Variants in NTM observed in about 807,000 individuals in gnomAD.
The protein encoded by NTM is neurotrimin.
A neutral mutation model predicts 42.1 loss-of-function variants in NTM; 13 were observed. That is an observed-to-expected ratio of 0.31 (90% CI 0.20 to 0.49). NTM has a LOEUF of 0.49. NTM is among the 20% of genes least tolerant of loss of function. NTM has a pLI of 0.99. For missense variants in NTM, 373 were observed against 452.8 expected (o/e 0.82, Z 1.60); for synonymous variants, 187 against 179.2 (o/e 1.04, Z -0.35).
chr11:131,742,077 T>C lies in NTM; in HGVS notation c.83-169487T>C, dbSNP rs146775697. Among the ~76,000 whole-genome samples, 499 of 151,612 alleles carry C rather than the reference T, an allele frequency of 3.3e-3. 3 individuals are homozygous for C. Among genetic ancestry groups the C allele is most frequent in the African/African-American group, 0.012 (479 of 41,348 alleles). On this transcript the variant is annotated intron_variant, in intron 1 of 8. Transcript: ENST00000683400. Reference sequence around the variant, plus strand: ...ACACACACTGGGGCCTATTGGAGGGTGGAGGCTGGGAGGTGGGTGAGGACC... The same window carrying C: ...ACACACACTGGGGCCTATTGGAGGGCGGAGGCTGGGAGGTGGGTGAGGACC...
intron 2 of NTM, among the ~76,000 whole-genome samples, chr11:132,141,260 T>TC: frequency 6.6e-6 from 1 of 151,472 alleles, no homozygotes; most frequent in African/African-American, 2.4e-5. Context: ...TCCCTCTCTC[T>TC]CCCCCCTACC....
intron 1 of NTM, among the ~76,000 whole-genome samples, chr11:131,601,002 C>T (rs1198900397): frequency 1.3e-5 from 2 of 152,168 alleles, no homozygotes; most frequent in Non-Finnish European, 2.9e-5. Flanking sequence ...GATCATATGC[C>T]CAGTACTGCT....
chr11:132,274,980 G>A (rs180953395), intron 4 of NTM, among the ~76,000 whole-genome samples: 7 of 152,016 alleles, frequency 4.6e-5, no homozygotes, highest in Admixed American at 2.0e-4. Context: ...CATATATTTG[G>A]GATACAAGCA....
intron 7 of NTM, chr11:132,315,107 C>CA: frequency 1.0e-6 from 1 of 992,136 alleles, no homozygotes; most frequent in Non-Finnish European, 1.2e-6. Flanking sequence ...GATGATGGCT[C>CA]CTAAGCTGAC....
Position 132,212,085 on chromosome 11 carries a change from T to A in NTM, c.464T>A (p.Leu155His). 1 of 1,613,780 alleles carries A rather than the reference T, an allele frequency of 6.2e-7. No homozygotes were observed. Among genetic ancestry groups the A allele is most frequent in the Non-Finnish European group, 8.5e-7 (1 of 1,179,774 alleles). ...ISINEGNNISLTCIATGRPEP... is the reference protein window; with the variant it reads ...ISINEGNNISHTCIATGRPEP... The stretch of plus-strand genomic sequence containing the variant: ...ATTAATGAAGGGAACAATATTAGCC[T>A]CACCTGCATAGCAACTGGTAGACCA... The change falls in exon 4 of 9, where the codon CTC (leucine) becomes CAC (histidine). Residue 155 changes from leucine to histidine, a missense_variant. By Grantham distance (99) the Leu-to-His change is moderately conservative. This residue lies in a region of NTM where 312 missense variants were observed against 353.5 expected (regional missense o/e 0.88). Transcript: ENST00000683400.
intron 1 of NTM, among the ~76,000 whole-genome samples, chr11:131,855,499 C>T (rs1334748172): frequency 6.6e-6 from 1 of 152,148 alleles, no homozygotes; most frequent in Non-Finnish European, 1.5e-5. Flanking sequence ...AAACAGATAA[C>T]ACACAAAAAA....
At chr11:131,708,568 A>G (rs1466884471) in intron 1 of NTM, among the ~76,000 whole-genome samples, 1 of 152,210 alleles carries the variant, frequency 6.6e-6, no homozygotes, top group Non-Finnish European at 1.5e-5. Flanking sequence ...ATATTTTTGT[A>G]AAAGACTTTA....
intron 2 of NTM, among the ~76,000 whole-genome samples, chr11:132,040,331 C>T (rs11222880): frequency 0.078 from 11,802 of 152,124 alleles, 495 homozygotes; most frequent in South Asian, 0.18. Flanking sequence ...GCAAGAATGG[C>T]CATTAACTAG....
Position 131,735,085 on chromosome 11 carries a change from G to C in NTM, c.83-176479G>C, listed in dbSNP as rs1041807711. Among the ~76,000 whole-genome samples, 4 of 152,190 alleles carry C rather than the reference G, an allele frequency of 2.6e-5. No homozygotes were observed. The South Asian group carries it at 6.2e-4, about 24-fold the overall frequency. On this transcript the variant is annotated intron_variant, in intron 1 of 8. Coordinates refer to ENST00000683400, the MANE Select transcript of NTM (RefSeq NM_001352005.2). ...GCCACTGAGGTCTCCAGAGGTGCTA[G>C]ATTGTATAACAACTTATTTAGCTGA... is the stretch of plus-strand genomic sequence containing the variant.
intron 1 of NTM, among the ~76,000 whole-genome samples, chr11:131,450,290 A>G (rs940143724): frequency 1.3e-5 from 2 of 152,194 alleles, no homozygotes. Context: ...ATGTTTATGC[A>G]TGGGGTGAGG....
intron 1 of NTM, among the ~76,000 whole-genome samples, chr11:131,472,800 A>T (rs1247291698): frequency 1.3e-5 from 2 of 152,126 alleles, no homozygotes; most frequent in South Asian, 4.1e-4. Flanking sequence ...TGAAAGACAC[A>T]GCTAGTAAGA....
chr11:132,293,791 GT>G (rs1210609180), intron 4 of NTM, among the ~76,000 whole-genome samples: 2 of 151,948 alleles, frequency 1.3e-5, no homozygotes, highest in Non-Finnish European at 2.9e-5. Flanking sequence ...CAAAAGTAAA[GT>G]TTTTTTGGAG....
intron 1 of NTM, among the ~76,000 whole-genome samples, chr11:131,399,033 C>T (rs12272290): frequency 0.41 from 63,000 of 151,990 alleles, 14,464 homozygotes; most frequent in African/African-American, 0.61. Flanking sequence ...TTCATATGTA[C>T]TTGGAAGTGG....
intron 1 of NTM, chr11:131,661,032 G>A (rs1229520881): frequency 7.7e-7 from 1 of 1,304,604 alleles, no homozygotes; most frequent in Admixed American, 2.3e-5. Context: ...GGAAGAGGTG[G>A]AAATGGAAGG....
At chr11:132,309,955 C>A in intron 5 of NTM, 157 bp from the exon 6 acceptor site, 1 of 468,460 alleles carries the variant, frequency 2.1e-6, no homozygotes, top group Non-Finnish European at 2.8e-6. Flanking sequence ...ACTTGGGAAG[C>A]TGATGCAGGA....
intron 2 of NTM, among the ~76,000 whole-genome samples, chr11:132,045,150 A>G (rs887311195): frequency 2.0e-5 from 3 of 152,330 alleles, no homozygotes; most frequent in Non-Finnish European, 4.4e-5. Flanking sequence ...AGTGTTTCAT[A>G]TCAGGCTGTC....
intron 4 of NTM, among the ~76,000 whole-genome samples, chr11:132,240,922 A>C (rs1159915059): frequency 6.6e-6 from 1 of 152,204 alleles, no homozygotes; most frequent in African/African-American, 2.4e-5. Flanking sequence ...CAAAATCCAA[A>C]ACTTTTTAAG....
intron 1 of NTM, among the ~76,000 whole-genome samples, chr11:131,477,370 G>T (rs1953062173): frequency 1.3e-5 from 2 of 151,968 alleles, no homozygotes; most frequent in East Asian, 1.9e-4. Context: ...TCCAAGTCTT[G>T]TCCATTCTCT....
chr11:132,190,950 T>TG (rs1466594202), intron 3 of NTM, among the ~76,000 whole-genome samples: 2 of 152,172 alleles, frequency 1.3e-5, no homozygotes, highest in East Asian at 3.9e-4. Context: ...ATTTGTTTTT[T>TG]TTTGTCATTT....
Sources: gnomAD v4.1 joint callset for allele counts (sites outside exome capture counted in the v4.1 genomes callset) on GRCh38, gnomAD v4.1.1 for gene constraint, gnomAD v4.1.1 regional missense constraint, MANE v1.5 for transcripts, NCBI Gene and HGNC (gene_info 2026-07-23, HGNC 2026-07-21) for gene names.